Variants in GRIP1 observed in about 807,000 individuals in gnomAD.
GRIP1 encodes glutamate receptor interacting protein 1, also known as glutamate receptor-interacting protein 1.
In GRIP1, 45 loss-of-function variants were observed where a neutral mutation model predicts 129.9. That is an observed-to-expected ratio of 0.35 (90% confidence interval 0.27 to 0.44). GRIP1 has a LOEUF of 0.44. GRIP1 is among the 20% of genes least tolerant of loss of function. The pLI is 1.00. For missense variants in GRIP1, 1,196 were observed against 1,396.8 expected, an observed-to-expected ratio of 0.86 and a Z score of 2.29; for synonymous variants, 530 against 520.8, an observed-to-expected ratio of 1.02 and a Z score of -0.24.
At chr12:66,417,050 A>G (rs1477736641) in intron 15 of GRIP1, among the ~76,000 whole-genome samples, 2 of 152,068 alleles carry the variant, frequency 1.3e-5, no homozygotes, top group Non-Finnish European at 2.9e-5. Flanking sequence ...ATAAAATACT[A>G]GCAAAGTGAA....
intron 1 of GRIP1, among the ~76,000 whole-genome samples, chr12:66,891,213 A>G (rs752349283): frequency 2.6e-5 from 4 of 152,194 alleles, no homozygotes; most frequent in Non-Finnish European, 5.9e-5. Context: ...AGTCCCAACC[A>G]TTTTGGAGAT....
At chr12:66,648,356 T>C (rs1252003255) in intron 1 of GRIP1, among the ~76,000 whole-genome samples, 1 of 152,252 alleles carries the variant, frequency 6.6e-6, no homozygotes, top group Non-Finnish European at 1.5e-5. Flanking sequence ...ATTCTGCATA[T>C]GTATCATGAT....
At chr12:66,539,042 G>A (rs759116326) in intron 4 of GRIP1, 36 bp downstream of exon 4, 8 of 1,572,074 alleles carry the variant, frequency 5.1e-6, no homozygotes, top group South Asian at 1.1e-5. Flanking sequence ...GTCTTGGAAT[G>A]TATCCCCTAT....
intron 1 of GRIP1, among the ~76,000 whole-genome samples, chr12:66,957,425 T>C (rs968406676): frequency 3.0e-4 from 45 of 151,218 alleles, no homozygotes; most frequent in Non-Finnish European, 5.7e-4. Flanking sequence ...CTAATATATA[T>C]ATATATATAT....
chr12:66,788,441 T>C (rs2038427116), intron 1 of GRIP1, among the ~76,000 whole-genome samples: 1 of 151,992 alleles, frequency 6.6e-6, no homozygotes, highest in African/African-American at 2.4e-5. Context: ...CCTCCTAGTG[T>C]TGAATACTAG....
intron 1 of GRIP1, among the ~76,000 whole-genome samples, chr12:66,846,675 A>T (rs1399871163): frequency 1.3e-5 from 2 of 152,324 alleles, no homozygotes; most frequent in East Asian, 3.9e-4. Flanking sequence ...AATAGTATAC[A>T]TTAAACAGGT....
intron 1 of GRIP1, among the ~76,000 whole-genome samples, chr12:66,727,565 T>A (rs529853082): frequency 6.6e-6 from 1 of 152,270 alleles, no homozygotes; most frequent in East Asian, 1.9e-4. Context: ...ATGGAGGCTG[T>A]TGTAAGTGCT....
rs560339446 is a variant in GRIP1, at chr12:66,914,191, TGACCTAA to T, written c.58+154852_58+154858del. On this transcript the variant is annotated intron_variant, in intron 1 of 1. Coordinates refer to the GRIP1 transcript ENST00000643019. Reference sequence around the variant, plus strand: ...TCTGGGAAGGTAATTGTTTTTAATTTGACCTAAGATATCTAACTCAAAATGGGGGGTA... The same window carrying T: ...TCTGGGAAGGTAATTGTTTTTAATTTGATATCTAACTCAAAATGGGGGGTA... Among the ~76,000 whole-genome samples the T allele has an allele frequency of 2.0e-3, 311 of 152,308 alleles. 3 individuals are homozygous for T. Among genetic ancestry groups the T allele is most frequent in the African/African-American group, 7.0e-3 (293 of 41,576 alleles).
intron 1 of GRIP1, among the ~76,000 whole-genome samples, chr12:66,784,667 T>C (rs1352775933): frequency 1.3e-5 from 2 of 152,182 alleles, no homozygotes; most frequent in Non-Finnish European, 2.9e-5. Flanking sequence ...AGGAAAGATG[T>C]TACTGCTTTC....
chr12:66,539,030 G>C, intron 4 of GRIP1, 48 bp downstream of exon 4: 1 of 1,525,312 alleles, frequency 6.6e-7, no homozygotes. Flanking sequence ...CATCCACTGG[G>C]GGTCTTGGAA....
chr12:66,551,758 T>C (rs1000610799), intron 2 of GRIP1, among the ~76,000 whole-genome samples: 2 of 151,932 alleles, frequency 1.3e-5, no homozygotes, highest in Non-Finnish European at 2.9e-5. Flanking sequence ...GTTGTTGTTG[T>C]TGTTGTACAG....
intron 2 of GRIP1, among the ~76,000 whole-genome samples, chr12:66,557,911 AAAGC>A (rs1279971512): frequency 6.6e-6 from 1 of 152,172 alleles, no homozygotes; most frequent in Non-Finnish European, 1.5e-5. Context: ...AAGAACTAGA[AAAGC>A]AAGAGCAAAC....
chr12:66,687,537 G>GA (rs544083195), intron 1 of GRIP1, among the ~76,000 whole-genome samples: 98 of 148,006 alleles, frequency 6.6e-4, no homozygotes, highest in East Asian at 1.6e-3. Flanking sequence ...GTAAAAAGGT[G>GA]AAAAAAAAAA....
intron 1 of GRIP1, among the ~76,000 whole-genome samples, chr12:66,702,914 A>T (rs1020744361): frequency 5.3e-5 from 8 of 152,222 alleles, no homozygotes; most frequent in African/African-American, 1.9e-4. Context: ...TTTTAAAGAA[A>T]CACCATGAGA....
chr12:66,503,141 C>G (rs1010366950), intron 7 of GRIP1, among the ~76,000 whole-genome samples: 1 of 152,042 alleles, frequency 6.6e-6, no homozygotes, highest in Non-Finnish European at 1.5e-5. Context: ...AATGCAGACA[C>G]CAGGGAGAGG....
intron 1 of GRIP1, among the ~76,000 whole-genome samples, chr12:66,923,787 T>C (rs1255698547): frequency 1.3e-5 from 2 of 152,158 alleles, no homozygotes; most frequent in African/African-American, 4.8e-5. Context: ...TGGGAGTAAT[T>C]GTTGTATTTA....
chr12:66,433,022 C>A (rs373931753), intron 13 of GRIP1, among the ~76,000 whole-genome samples: 37 of 152,198 alleles, frequency 2.4e-4, no homozygotes, highest in African/African-American at 8.7e-4. Context: ...AACCTTAGGT[C>A]CTATTATATT....
At chr12:66,454,879 G>A (rs997651133) in intron 11 of GRIP1, among the ~76,000 whole-genome samples, 3 of 152,156 alleles carry the variant, frequency 2.0e-5, no homozygotes, top group African/African-American at 7.2e-5. Context: ...ATGAGATATA[G>A]TTTAAAAGGG....
At chr12:66,936,012 GAAAC>G (rs199751270) in intron 1 of GRIP1, among the ~76,000 whole-genome samples, 53 of 152,224 alleles carry the variant, frequency 3.5e-4, no homozygotes, top group African/African-American at 1.2e-3. Flanking sequence ...ACCATGTAAT[GAAAC>G]AAACAAACAA....
Sources: allele counts gnomAD v4.1 joint callset (sites outside exome capture counted in the v4.1 genomes callset), GRCh38; gene constraint gnomAD v4.1.1; transcripts MANE v1.5; gene names NCBI Gene and HGNC (gene_info 2026-07-23, HGNC 2026-07-21).